Variants in RSPO2 observed in about 807,000 individuals in gnomAD.
RSPO2 encodes R-spondin-2.
In RSPO2, 14 loss-of-function variants were observed where a neutral mutation model predicts 30.9. That is an observed-to-expected ratio of 0.45 (90% CI 0.30 to 0.71). The LOEUF is 0.71. Among genes scored for constraint, RSPO2 ranks in the 30% least tolerant of loss-of-function variants. The pLI, the probability that RSPO2 is intolerant of heterozygous loss-of-function variation, is 0.08. For missense variants in RSPO2, 264 were observed against 301.9 expected (o/e 0.87, Z 0.93); for synonymous variants, 107 against 96.4 (o/e 1.11, Z -0.64).
chr8:108,004,750 A>C (rs1815394249), intron 2 of RSPO2, among the ~76,000 whole-genome samples: 1 of 152,234 alleles, frequency 6.6e-6, no homozygotes, highest in African/African-American at 2.4e-5. Context: ...ACAAATGTAT[A>C]CATATGATTT....
chr8:107,987,667 T>C (rs1376793917), intron 3 of RSPO2, among the ~76,000 whole-genome samples: 1 of 152,152 alleles, frequency 6.6e-6, no homozygotes, highest in Non-Finnish European at 1.5e-5. Flanking sequence ...AAATGCCAAA[T>C]AACACTCCAG....
At chr8:108,020,187 C>T (rs77887009) in intron 2 of RSPO2, among the ~76,000 whole-genome samples, 62 of 152,186 alleles carry the variant, frequency 4.1e-4, no homozygotes, top group African/African-American at 1.3e-3. Context: ...ATCTCAGAGT[C>T]TCACCCCCTC....
At chr8:108,044,907 T>C (rs558864002) in intron 2 of RSPO2, among the ~76,000 whole-genome samples, 1 of 152,184 alleles carries the variant, frequency 6.6e-6, no homozygotes, top group Non-Finnish European at 1.5e-5. Context: ...CCCCTACCTT[T>C]CACCGTATAC....
At chr8:108,072,610 T>A (rs923324204) in intron 2 of RSPO2, among the ~76,000 whole-genome samples, 2 of 151,268 alleles carry the variant, frequency 1.3e-5, no homozygotes, top group African/African-American at 4.9e-5. Flanking sequence ...AGTGCTGGGA[T>A]TACAGGCATA....
chr8:107,993,915 T>G lies in RSPO2; in HGVS notation c.95-4671A>C, dbSNP rs1334245550. On this transcript the variant is annotated intron_variant, in intron 2 of 5. Coordinates refer to ENST00000276659, the MANE Select transcript of RSPO2 (RefSeq NM_178565.5). The stretch of plus-strand genomic sequence containing the variant: ...CTGTCTCTTACATTGACACTCTAAT[T>G]GGATTTAAGGCCCATCTTTATCCCA... Among the ~76,000 whole-genome samples, 3 of 152,258 alleles carry G rather than the reference T, an allele frequency of 2.0e-5. No individual in the cohort carries two copies. The East Asian group carries it at 5.8e-4, about 29-fold the overall frequency.
intron 2 of RSPO2, among the ~76,000 whole-genome samples, chr8:107,994,857 C>A (rs2130540299): frequency 6.6e-6 from 1 of 152,202 alleles, no homozygotes; most frequent in South Asian, 2.1e-4. Flanking sequence ...GTCAGACTGG[C>A]AGCTATACAG....
intron 2 of RSPO2, among the ~76,000 whole-genome samples, chr8:108,058,405 T>C (rs1302797447): frequency 2.0e-5 from 3 of 152,132 alleles, no homozygotes; most frequent in Non-Finnish European, 4.4e-5. Flanking sequence ...ATCAATATCA[T>C]GAAAATGGCC....
At position 107,900,998 on chromosome 8, in the gene RSPO2, AGTGTGCAGGAGTGGAGAGTAGCTTT is replaced by A; in HGVS notation, c.*52_*76del. On this transcript the variant is annotated 3_prime_UTR_variant, in exon 6 of 6. Transcript: ENST00000276659. ...CAGAGCAGCACAAAGGCTGCACACC[AGTGTGCAGGAGTGGAGAGTAGCTTT>A]GTGCACATTTGCAAAAACAAAAACC... The A allele has an allele frequency of 2.8e-6, 4 of 1,450,796 alleles. No individual in the cohort carries two copies. In the South Asian group the frequency reaches 5.0e-5, roughly 18 times the overall value. 89.9% of individuals were successfully genotyped at this position (1,450,796 alleles called of 1,614,324 possible).
chr8:108,027,021 T>C (rs1317609288), intron 2 of RSPO2, among the ~76,000 whole-genome samples: 6 of 152,144 alleles, frequency 3.9e-5, no homozygotes, highest in Non-Finnish European at 8.8e-5. Context: ...CCAATCCATA[T>C]CAAAATAATT....
rs1306384451 is a variant in RSPO2, at chr8:107,899,644, T to TAC, written c.*1429_*1430dup. 2 of 152,568 alleles carry TAC rather than the reference T, an allele frequency of 1.3e-5. No individual in the cohort carries two copies. Among genetic ancestry groups the TAC allele is most frequent in the Non-Finnish European group, 1.5e-5 (1 of 68,032 alleles). The allele number at this position is 152,568 out of a possible 1,614,324, so 9.5% of individuals were successfully genotyped here. On this transcript the variant is annotated 3_prime_UTR_variant, in exon 6 of 6. Transcript: ENST00000276659. ...ATGCAAGGTGAAAAAAAAAAGGCTT[T>TAC]ACCTTGCTTTGTTTCAAAATCCACA...
chr8:108,015,130 G>T (rs1355270857), intron 2 of RSPO2, among the ~76,000 whole-genome samples: 1 of 152,100 alleles, frequency 6.6e-6, no homozygotes, highest in Non-Finnish European at 1.5e-5. Context: ...AGCAGCATAA[G>T]TATATCCTCT....
intron 2 of RSPO2, among the ~76,000 whole-genome samples, chr8:108,062,363 C>T (rs1359198231): frequency 3.3e-5 from 5 of 151,728 alleles, no homozygotes; most frequent in African/African-American, 7.3e-5. Flanking sequence ...ATATCACCAC[C>T]GATCCCACAG....
rs1811378961 is a variant in RSPO2, at chr8:107,899,676, AT to A, written c.*1398del. ...CTTTGTTTCAAAATCCACAACCATT[AT>A]TTTTCTGTTCTAATTTTCTCCTGGA... On this transcript the variant is annotated 3_prime_UTR_variant, in exon 6 of 6. Transcript: ENST00000276659. The A allele has an allele frequency of 6.6e-6, 1 of 152,434 alleles. No individual in the cohort carries two copies. Among genetic ancestry groups the A allele is most frequent in the Non-Finnish European group, 1.5e-5 (1 of 68,010 alleles). The allele number at this position is 152,434 out of a possible 1,614,324, so 9.4% of individuals were successfully genotyped here. A position where few individuals can be genotyped will look rare whatever the true frequency, so the allele number is the denominator to read the frequency against.
intron 5 of RSPO2, among the ~76,000 whole-genome samples, chr8:107,907,827 A>T (rs1811700250): frequency 6.6e-6 from 1 of 152,018 alleles, no homozygotes; most frequent in Admixed American, 6.6e-5. Context: ...AAGTTACCAT[A>T]TTTTTTTATC....
At chr8:108,008,268 A>C (rs1208076902) in intron 2 of RSPO2, among the ~76,000 whole-genome samples, 1 of 152,178 alleles carries the variant, frequency 6.6e-6, no homozygotes, top group East Asian at 1.9e-4. Flanking sequence ...TTTTTCTAAT[A>C]ATCAGATGGC....
intron 2 of RSPO2, among the ~76,000 whole-genome samples, chr8:108,070,052 C>T (rs1473406590): frequency 6.6e-6 from 1 of 152,144 alleles, no homozygotes; most frequent in Non-Finnish European, 1.5e-5. Flanking sequence ...GCATCATGGT[C>T]ATGTAAGAAT....
At chr8:108,000,503 T>C (rs1254600109) in intron 2 of RSPO2, among the ~76,000 whole-genome samples, 2 of 152,086 alleles carry the variant, frequency 1.3e-5, no homozygotes, top group Non-Finnish European at 2.9e-5. Context: ...GACACATCAA[T>C]AGCAAGGCAA....
rs968432654 is a variant in RSPO2 at position 108,047,137 on chromosome 8, G to A, written c.94+35408C>T. 4.6e-5 allele frequency among the ~76,000 whole-genome samples: 7 copies of A among 152,144 alleles called. 1 individual carries two copies. The highest frequency in any genetic ancestry group is 3.9e-4 in the Admixed American group (6 of 15,272). On this transcript the variant is annotated intron_variant, in intron 2 of 5. Coordinates refer to ENST00000276659, the MANE Select transcript of RSPO2 (RefSeq NM_178565.5). ...AGTGGTCACTCCAAAGATGCAGGAC[G>A]AGCAATTGGTAATATTTTTATCACC...
At chr8:108,030,411 T>C (rs1303768159) in intron 2 of RSPO2, among the ~76,000 whole-genome samples, 1 of 152,152 alleles carries the variant, frequency 6.6e-6, no homozygotes, top group African/African-American at 2.4e-5. Context: ...GTATCTGTAA[T>C]GTATAAGCAG....
Sources: allele counts gnomAD v4.1 joint callset (sites outside exome capture counted in the v4.1 genomes callset), GRCh38; gene constraint gnomAD v4.1.1; transcripts MANE v1.5; gene names NCBI Gene and HGNC (gene_info 2026-07-23, HGNC 2026-07-21).